Variants in RGS6 observed in about 807,000 individuals in gnomAD.
RGS6 encodes regulator of G protein signaling 6.
RGS6 carries 30 observed loss-of-function variants against 78.5 expected under a neutral mutation model. The ratio of observed to expected loss-of-function variants is 0.38; its 90% CI spans 0.29 to 0.52. The LOEUF is 0.52. RGS6 is among the 20% of genes least tolerant of loss of function. RGS6 has a pLI of 0.85. For missense variants in RGS6, 495 were observed against 609.7 expected, an observed-to-expected ratio of 0.81 and a Z score of 1.98; for synonymous variants, 206 against 206.0, an observed-to-expected ratio of 1.00 and a Z score of 0.00.
chr14:72,024,277 C>G (rs2089368763), intron 2 of RGS6, among the ~76,000 whole-genome samples: 1 of 152,224 alleles, frequency 6.6e-6, no homozygotes, highest in South Asian at 2.1e-4. Flanking sequence ...TGCACACCGT[C>G]TAACAGTACA....
At chr14:72,475,199 G>GTTTT (rs11300478) in intron 10 of RGS6, among the ~76,000 whole-genome samples, 6 of 122,020 alleles carry the variant, frequency 4.9e-5, no homozygotes, top group Admixed American at 9.1e-5. Context: ...CTTTTTTATG[G>GTTTT]TTTTTTTTTT....
At chr14:72,014,057 C>T (rs555374045) in intron 2 of RGS6, among the ~76,000 whole-genome samples, 2 of 152,274 alleles carry the variant, frequency 1.3e-5, no homozygotes, top group South Asian at 4.2e-4. Flanking sequence ...AGGTAAATCC[C>T]CCTTGGACAG....
chr14:72,250,138 C>G (rs2055312191), intron 2 of RGS6, among the ~76,000 whole-genome samples: 1 of 150,412 alleles, frequency 6.6e-6, no homozygotes, highest in Admixed American at 6.6e-5. Flanking sequence ...ATACCTAATG[C>G]TAGATGATGA....
the RGS6 span, among the ~76,000 whole-genome samples, chr14:71,905,977 G>A: frequency 6.6e-6 from 1 of 152,180 alleles, no homozygotes; most frequent in Non-Finnish European, 1.5e-5. Context: ...AAAGTTATGG[G>A]ATAGGCACAG....
chr14:72,364,658 G>A (rs767534630), intron 3 of RGS6, among the ~76,000 whole-genome samples: 1 of 152,206 alleles, frequency 6.6e-6, no homozygotes, highest in African/African-American at 2.4e-5. Flanking sequence ...GACATTATAA[G>A]GCTGGTTAAT....
At chr14:71,918,476 G>C in the RGS6 span, among the ~76,000 whole-genome samples, 1 of 152,122 alleles carries the variant, frequency 6.6e-6, no homozygotes, top group Non-Finnish European at 1.5e-5. Flanking sequence ...TTTAGTTTTA[G>C]AGACCCCTCA....
At chr14:72,285,420 C>T (rs2062360764) in intron 2 of RGS6, among the ~76,000 whole-genome samples, 1 of 152,114 alleles carries the variant, frequency 6.6e-6, no homozygotes, top group African/African-American at 2.4e-5. Flanking sequence ...TATGGGTTTT[C>T]TCTTTCACTT....
intron 2 of RGS6, among the ~76,000 whole-genome samples, chr14:72,198,132 G>C (rs1189881602): frequency 6.6e-6 from 1 of 152,090 alleles, no homozygotes; most frequent in East Asian, 1.9e-4. Context: ...AGGCTGAGGT[G>C]GGTGGATCCC....
chr14:72,596,051 C>G, the RGS6 span, among the ~76,000 whole-genome samples: 3 of 152,168 alleles, frequency 2.0e-5, no homozygotes, highest in Non-Finnish European at 4.4e-5. Context: ...TTAGAATAAC[C>G]CTGTAGTCAT....
In RGS6 at chr14:72,082,383, A is replaced by C. The variant is rs1272756664; in HGVS notation, c.84+117508A>C. On this transcript the variant is annotated intron_variant, in intron 2 of 17. Transcript: ENST00000553525. ...TCTTTGGTTATATTCATTCTTAGGT[A>C]TTTTTTATTTGTAGCTATTGAAAAA... Among the ~76,000 whole-genome samples, 3 of 151,834 alleles carry C rather than the reference A, an allele frequency of 2.0e-5. No homozygotes were observed. The South Asian group carries it at 6.2e-4, about 32-fold the overall frequency.
intron 2 of RGS6, among the ~76,000 whole-genome samples, chr14:72,339,623 A>T (rs1462156163): frequency 6.6e-6 from 1 of 152,122 alleles, no homozygotes; most frequent in African/African-American, 2.4e-5. Flanking sequence ...TTTTTGGTGC[A>T]GGAACACCAT....
chr14:72,205,291 A>T (rs925443332), intron 2 of RGS6, among the ~76,000 whole-genome samples: 1 of 151,988 alleles, frequency 6.6e-6, no homozygotes, highest in African/African-American at 2.4e-5. Context: ...TTCCATGCAC[A>T]TTCCCAGTAT....
rs554454550 is a variant in RGS6, at chr14:72,072,952, T to G, written c.84+108077T>G. Among the ~76,000 whole-genome samples the G allele has an allele frequency of 3.6e-4, 55 of 152,296 alleles. 1 individual carries two copies. The highest frequency in any genetic ancestry group is 1.2e-3 in the African/African-American group (50 of 41,574). On this transcript the variant is annotated intron_variant, in intron 2 of 17. Coordinates refer to ENST00000553525, the MANE Select transcript of RGS6 (RefSeq NM_001204424.2). ...TGGGGATCACTCCCATAAGCTCTGA[T>G]TTATCTCGTCTGGGGCACCAGGAGT...
chr14:72,547,295 GC>G, intron 17 of RGS6: 1 of 1,535,672 alleles, frequency 6.5e-7, no homozygotes, highest in Non-Finnish European at 8.7e-7. Context: ...ACCCAACTCT[GC>G]CTGTGGTCCA....
intron 2 of RGS6, among the ~76,000 whole-genome samples, chr14:72,193,607 G>A (rs1472924490): frequency 6.6e-6 from 1 of 152,198 alleles, no homozygotes; most frequent in Non-Finnish European, 1.5e-5. Context: ...AGTCAAATAA[G>A]TTTTACTTCC....
the RGS6 span, among the ~76,000 whole-genome samples, chr14:71,904,390 C>A: frequency 6.6e-6 from 1 of 152,136 alleles, no homozygotes; most frequent in Non-Finnish European, 1.5e-5. Flanking sequence ...CTTTTTTCTT[C>A]CCCCTAGAAT....
At chr14:72,286,990 G>T (rs1186739385) in intron 2 of RGS6, among the ~76,000 whole-genome samples, 3 of 152,128 alleles carry the variant, frequency 2.0e-5, no homozygotes, top group African/African-American at 7.2e-5. Flanking sequence ...CACCATGTTG[G>T]CCAGGCTGGT....
intron 1 of RGS6, among the ~76,000 whole-genome samples, chr14:71,936,030 A>ATATATACACATATATATATATATG (rs1555390439): frequency 7.5e-6 from 1 of 133,222 alleles, no homozygotes; most frequent in African/African-American, 2.7e-5. Context: ...ATATATATAT[A>ATATATACACATATATATATATATG]TATATATATA....
At chr14:72,408,013 G>C (rs542900321) in intron 3 of RGS6, among the ~76,000 whole-genome samples, 1 of 152,298 alleles carries the variant, frequency 6.6e-6, no homozygotes, top group South Asian at 2.1e-4. Context: ...GAGAGAGTCA[G>C]AGTAATTGGC....
Sources: allele counts gnomAD v4.1 joint callset (sites outside exome capture counted in the v4.1 genomes callset), GRCh38; gene constraint gnomAD v4.1.1; transcripts MANE v1.5; gene names NCBI Gene and HGNC (gene_info 2026-07-23, HGNC 2026-07-21).